COL6A6: variants seen among roughly 807,000 people sequenced by gnomAD.
The protein encoded by COL6A6 is collagen alpha-6(VI) chain.
Under a neutral mutation model 208.6 loss-of-function variants are expected in COL6A6, and 183 were observed. The ratio of observed to expected loss-of-function variants is 0.88; its 90% confidence interval spans 0.78 to 0.99. COL6A6 has a LOEUF of 0.99. Among genes scored for constraint, COL6A6 ranks in the 50% least tolerant of loss-of-function variants. COL6A6 has a pLI of 0.00. For synonymous variants in COL6A6, 973 were observed against 1,011.8 expected, an observed-to-expected ratio of 0.96 and a Z score of 0.73; for missense variants, 2,816 against 2,815.2, an observed-to-expected ratio of 1.00 and a Z score of -0.01.
At chr3:130,658,630 G>C in intron 33 of COL6A6, 46 bp from the exon 34 acceptor site, 5 of 1,294,452 alleles carry the variant, frequency 3.9e-6, no homozygotes, top group Non-Finnish European at 5.5e-6. Context: ...AGAGGTTCTT[G>C]CAGCCCTACC....
At chr3:130,650,954 T>C (rs1261847134) in intron 33 of COL6A6, among the ~76,000 whole-genome samples, 8 of 152,206 alleles carry the variant, frequency 5.3e-5, no homozygotes, top group African/African-American at 2.4e-5. Context: ...AAGTGGCCTT[T>C]TGAGGCCATT....
intron 33 of COL6A6, among the ~76,000 whole-genome samples, chr3:130,653,060 TG>T (rs1490322750): frequency 1.3e-5 from 2 of 152,382 alleles, no homozygotes; most frequent in African/African-American, 4.8e-5. Flanking sequence ...CCTTCACAAA[TG>T]GAGGACCATT....
chr3:130,563,795 C>A, intron 3 of COL6A6, 131 bp downstream of exon 3: 1 of 631,510 alleles, frequency 1.6e-6, no homozygotes. Context: ...ATGTACCCAT[C>A]GTTTAAGAGA....
chr3:130,568,783 T>C (rs1409861386), intron 6 of COL6A6, among the ~76,000 whole-genome samples, 179 bp downstream of exon 6: 1 of 152,250 alleles, frequency 6.6e-6, no homozygotes, highest in Admixed American at 6.5e-5. Flanking sequence ...TTGGTTTACC[T>C]AGACCCATTC....
At chr3:130,537,178 A>G (rs1279987033) in intron 1 of COL6A6, among the ~76,000 whole-genome samples, 4 of 152,220 alleles carry the variant, frequency 2.6e-5, no homozygotes, top group African/African-American at 9.6e-5. Context: ...TGTTTCCCTT[A>G]ACACAGTTAG....
chr3:130,555,849 A>G (rs958425771), intron 1 of COL6A6, among the ~76,000 whole-genome samples: 3 of 151,788 alleles, frequency 2.0e-5, no homozygotes, highest in Admixed American at 6.6e-5. Flanking sequence ...ACATCTTTAC[A>G]TTTCTGAGAA....
At chr3:130,575,123 T>G (rs557935182) in intron 8 of COL6A6, among the ~76,000 whole-genome samples, 27 of 152,208 alleles carry the variant, frequency 1.8e-4, no homozygotes, top group African/African-American at 5.8e-4. Context: ...CTACCAAAGG[T>G]AAACATTAAT....
chr3:130,556,153 G>C (rs2062763310), intron 1 of COL6A6, among the ~76,000 whole-genome samples: 1 of 152,294 alleles, frequency 6.6e-6, no homozygotes, highest in Non-Finnish European at 1.5e-5. Flanking sequence ...TTCTGATTCT[G>C]AGTTGTTTCA....
Position 130,568,262 on chromosome 3 carries a change from A to C in COL6A6, c.2059A>C (p.Asn687His). The C allele has an allele frequency of 1.9e-6, 3 of 1,614,014 alleles. No homozygotes were observed. Among genetic ancestry groups the C allele is most frequent in the Non-Finnish European group, 2.5e-6 (3 of 1,179,898 alleles). ...ATTCATGTCCCAAAGCGACATTTCA[A>C]ATGCAATAGACCAAATGGCTCACAT... Reference protein sequence around the residue: ...NRFMSQSDISNAIDQMAHIGQ... With the variant: ...NRFMSQSDISHAIDQMAHIGQ... The change falls in exon 6 of 37, where the codon AAT (asparagine) becomes CAT (histidine). Residue 687 changes from asparagine (N) to histidine (H), a missense_variant. Physicochemically the swap from Asn to His is moderately conservative, Grantham distance 68. Transcript: ENST00000358511.
Position 130,568,436 on chromosome 3 carries a change from C to G in COL6A6, c.2233C>G (p.Leu745Val). ...QDIVKEPAVVLRQEGVIIYSV... is the reference protein window; with the variant it reads ...QDIVKEPAVVVRQEGVIIYSV... Reference sequence around the variant, plus strand: ...CATAGTAAAGGAACCAGCAGTAGTGCTTCGGCAAGAAGGTGTAATCATCTA... The same window carrying G: ...CATAGTAAAGGAACCAGCAGTAGTGGTTCGGCAAGAAGGTGTAATCATCTA... The change falls in exon 6 of 37, where the codon CTT (leucine) becomes GTT (valine). Residue 745 changes from leucine to valine, a missense_variant. Leu to Val is a conservative substitution (Grantham distance 32). Coordinates refer to ENST00000358511, the MANE Select transcript of COL6A6 (RefSeq NM_001102608.3). 1 of 1,613,976 alleles carries G rather than the reference C, an allele frequency of 6.2e-7. No individual in the cohort carries two copies. The highest frequency in any genetic ancestry group is 1.6e-4 in the Middle Eastern group (1 of 6,062).
At chr3:130,645,610 C>T (rs2065443512) in intron 32 of COL6A6, among the ~76,000 whole-genome samples, 1 of 152,086 alleles carries the variant, frequency 6.6e-6, no homozygotes, top group South Asian at 2.1e-4. Flanking sequence ...TTCATTTTCT[C>T]CCTGTGTCAT....
At chr3:130,604,083 A>G (rs2064107462) in intron 20 of COL6A6, among the ~76,000 whole-genome samples, 1 of 152,214 alleles carries the variant, frequency 6.6e-6, no homozygotes, top group Admixed American at 6.5e-5. Flanking sequence ...TCTTTCTCAT[A>G]TAAAACACTT....
At chr3:130,556,220 A>T (rs1215702294) in intron 1 of COL6A6, among the ~76,000 whole-genome samples, 1 of 152,196 alleles carries the variant, frequency 6.6e-6, no homozygotes, top group Non-Finnish European at 1.5e-5. Flanking sequence ...TGATTTTTAT[A>T]TACTGTGGGA....
intron 1 of COL6A6, among the ~76,000 whole-genome samples, chr3:130,532,473 C>A (rs2062121702): frequency 6.6e-6 from 1 of 152,194 alleles, no homozygotes; most frequent in South Asian, 2.1e-4. Flanking sequence ...ATGTCCGGGG[C>A]TGTCTTTGCT....
At chr3:130,571,973 A>G (rs1326423050) in intron 7 of COL6A6, among the ~76,000 whole-genome samples, 2 of 151,040 alleles carry the variant, frequency 1.3e-5, no homozygotes, top group Non-Finnish European at 2.9e-5. Context: ...GTGGGCCACT[A>G]CACTGAGCTG....
intron 32 of COL6A6, among the ~76,000 whole-genome samples, chr3:130,648,478 C>CTGAA (rs111871651): frequency 0.026 from 3,913 of 152,264 alleles, 159 homozygotes; most frequent in African/African-American, 0.089. Flanking sequence ...GATGAAGAAA[C>CTGAA]TGAGGCACAG....
chr3:130,608,749 C>A, intron 21 of COL6A6, among the ~76,000 whole-genome samples, 153 bp from the exon 22 acceptor site: 1 of 90,634 alleles, frequency 1.1e-5, no homozygotes. Flanking sequence ...TTTGTATTTG[C>A]ATTTATTTTT....
At chr3:130,660,079 T>C (rs2065899934) in intron 34 of COL6A6, among the ~76,000 whole-genome samples, 1 of 152,236 alleles carries the variant, frequency 6.6e-6, no homozygotes, top group Non-Finnish European at 1.5e-5. Flanking sequence ...AACAGTGTGA[T>C]GGTATGTTGC....
intron 33 of COL6A6, among the ~76,000 whole-genome samples, chr3:130,652,642 C>T (rs1299950968): frequency 6.6e-6 from 1 of 152,234 alleles, no homozygotes; most frequent in Non-Finnish European, 1.5e-5. Flanking sequence ...TTGGTTAGAA[C>T]CCAATGTCTG....
Sources: gnomAD v4.1 joint callset for allele counts (sites outside exome capture counted in the v4.1 genomes callset) on GRCh38, gnomAD v4.1.1 for gene constraint, MANE v1.5 for transcripts, NCBI Gene and HGNC (gene_info 2026-07-23, HGNC 2026-07-21) for gene names.